Variants in STIMATE observed in about 807,000 individuals in gnomAD.
The protein encoded by STIMATE is store-operated calcium entry regulator STIMATE.
A neutral mutation model predicts 36.7 loss-of-function variants in STIMATE; 15 were observed. The ratio of observed to expected loss-of-function variants is 0.41; its 90% CI spans 0.27 to 0.63. STIMATE has a LOEUF of 0.63. STIMATE is among the 20% of genes least tolerant of loss of function. STIMATE has a pLI of 0.32. For synonymous variants in STIMATE, 163 were observed against 162.3 expected, an observed-to-expected ratio of 1.00 and a Z score of -0.03; for missense variants, 305 against 397.3, an observed-to-expected ratio of 0.77 and a Z score of 1.98.
At chr3:52,846,229 C>T (rs1272844656) in intron 4 of STIMATE, among the ~76,000 whole-genome samples, 1 of 152,224 alleles carries the variant, frequency 6.6e-6, no homozygotes, top group Non-Finnish European at 1.5e-5. Flanking sequence ...TTCCTTTCTA[C>T]TTTCACTTAA....
At chr3:52,843,594 A>G in intron 6 of STIMATE, 127 bp downstream of exon 6, 1 of 1,381,790 alleles carries the variant, frequency 7.2e-7, no homozygotes, top group South Asian at 1.3e-5. Context: ...GGGGTGGGAG[A>G]GGTGGCAAAT....
At chr3:52,852,236 G>T (rs1034409053) in intron 3 of STIMATE, among the ~76,000 whole-genome samples, 3 of 152,244 alleles carry the variant, frequency 2.0e-5, no homozygotes, top group Non-Finnish European at 4.4e-5. Flanking sequence ...CCACAGAGAA[G>T]CCCTGGTGTG....
intron 4 of STIMATE, chr3:52,847,634 A>C: frequency 9.4e-7 from 1 of 1,061,184 alleles, no homozygotes; most frequent in Non-Finnish European, 1.3e-6. Flanking sequence ...CTCTTCCTCA[A>C]ATGGATGGGC....
intron 1 of STIMATE, among the ~76,000 whole-genome samples, chr3:52,858,505 T>C (rs1475318935): frequency 6.6e-6 from 1 of 152,020 alleles, no homozygotes; most frequent in Non-Finnish European, 1.5e-5. Flanking sequence ...ATGGCTGTGG[T>C]CCTAGCTACT....
intron 3 of STIMATE, among the ~76,000 whole-genome samples, chr3:52,852,398 C>T (rs756144632): frequency 2.6e-5 from 4 of 152,198 alleles, no homozygotes; most frequent in Admixed American, 6.5e-5. Flanking sequence ...AGTGTCAACA[C>T]GCAAAGCCCT....
intron 3 of STIMATE, among the ~76,000 whole-genome samples, chr3:52,852,366 C>G (rs1421767984): frequency 6.6e-6 from 1 of 152,196 alleles, no homozygotes; most frequent in Non-Finnish European, 1.5e-5. Flanking sequence ...GATTGATGAA[C>G]AGAAAGCCAG....
intron 1 of STIMATE, among the ~76,000 whole-genome samples, chr3:52,858,029 G>C (rs1050560089): frequency 2.6e-5 from 4 of 152,172 alleles, no homozygotes; most frequent in Admixed American, 6.5e-5. Flanking sequence ...ACACTGAGAA[G>C]AGCGTCATCT....
chr3:52,869,965 A>G (rs1446749700), intron 1 of STIMATE, among the ~76,000 whole-genome samples: 2 of 152,254 alleles, frequency 1.3e-5, no homozygotes, highest in African/African-American at 2.4e-5. Flanking sequence ...TATTACAGCC[A>G]TGCTTTGTAC....
chr3:52,883,399 CTGATTATGA>C (rs778140078), intron 1 of STIMATE, among the ~76,000 whole-genome samples: 22 of 152,288 alleles, frequency 1.4e-4, no homozygotes, highest in South Asian at 6.2e-4. Context: ...TTGCAACAGT[CTGATTATGA>C]TATGGATTAG....
At chr3:52,862,396 T>C (rs1198196551) in intron 1 of STIMATE, among the ~76,000 whole-genome samples, 1 of 152,224 alleles carries the variant, frequency 6.6e-6, no homozygotes, top group African/African-American at 2.4e-5. Context: ...CACTGAGCAC[T>C]TACTCTGTGC....
chr3:52,850,020 G>A, intron 3 of STIMATE, 107 bp from the exon 4 acceptor site: 1 of 1,447,668 alleles, frequency 6.9e-7, no homozygotes, highest in Non-Finnish European at 9.1e-7. Context: ...CATTTGTTTG[G>A]GCCCATTCTG....
intron 1 of STIMATE, among the ~76,000 whole-genome samples, chr3:52,861,198 A>T (rs1644674112): frequency 6.6e-6 from 1 of 152,210 alleles, no homozygotes; most frequent in South Asian, 2.1e-4. Context: ...CCGAACACAG[A>T]GCTGGAAGCC....
chr3:52,848,045 C>A (rs895208983), intron 4 of STIMATE: 2 of 153,438 alleles, frequency 1.3e-5, no homozygotes, highest in African/African-American at 2.4e-5. Flanking sequence ...CCCAGTGAGA[C>A]CCATGACAGA....
chr3:52,878,566 C>T (rs564843330), intron 1 of STIMATE, among the ~76,000 whole-genome samples: 5 of 152,280 alleles, frequency 3.3e-5, no homozygotes, highest in African/African-American at 1.2e-4. Flanking sequence ...TGTGTAGAAA[C>T]CCTACATTCC....
At chr3:52,881,986 CA>C (rs1701613171) in intron 1 of STIMATE, among the ~76,000 whole-genome samples, 2 of 152,214 alleles carry the variant, frequency 1.3e-5, no homozygotes, top group Non-Finnish European at 2.9e-5. Context: ...CAAATTACTA[CA>C]AAACTTAATG....
intron 1 of STIMATE, among the ~76,000 whole-genome samples, chr3:52,893,130 G>A (rs1281176866): frequency 6.6e-6 from 1 of 152,032 alleles, no homozygotes; most frequent in Non-Finnish European, 1.5e-5. Flanking sequence ...CAGACACAAC[G>A]TGTGGACCTT....
In STIMATE at chr3:52,842,777, G is replaced by A. The variant is rs17052546; in HGVS notation, c.768+34C>T. 2,387 of 1,613,264 alleles carry A rather than the reference G, an allele frequency of 1.5e-3. 19 individuals are homozygous for A. In the African/African-American group the frequency reaches 0.022, roughly 15 times the overall value. Reference sequence around the variant, plus strand: ...GACCCCCTTGGGCCAGCGATACGACGGCTTGGGCCCTTGGAGAGTCAGGGA... The same window carrying A: ...GACCCCCTTGGGCCAGCGATACGACAGCTTGGGCCCTTGGAGAGTCAGGGA... On this transcript the variant is annotated intron_variant, in intron 7 of 7. Transcript: ENST00000355083.
chr3:52,884,115 C>T (rs1701654180), intron 1 of STIMATE, among the ~76,000 whole-genome samples: 2 of 152,078 alleles, frequency 1.3e-5, no homozygotes. Flanking sequence ...TCTTCTAAAA[C>T]AATTCTGAGG....
In STIMATE at chr3:52,849,811, G is replaced by T; in HGVS notation, c.408C>A (p.Ser136=). Residue 136 remains serine, a synonymous_variant, in exon 4 of 8, where the codon TCC becomes TCA. Coordinates refer to ENST00000355083, the MANE Select transcript of STIMATE (RefSeq NM_198563.5). ...SVLVEWQQWE[S]LRFGEYGDPL... Reference sequence around the variant, plus strand: ...TATTACCATATTCGCCGAAGCGCAGGGACTCCCACTGCTGCCACTCTACCA... The same window carrying T: ...TATTACCATATTCGCCGAAGCGCAGTGACTCCCACTGCTGCCACTCTACCA... 1 of 1,613,296 alleles carries T rather than the reference G, an allele frequency of 6.2e-7. No homozygotes were observed.
Sources: gnomAD v4.1 joint callset for allele counts (sites outside exome capture counted in the v4.1 genomes callset) on GRCh38, gnomAD v4.1.1 for gene constraint, MANE v1.5 for transcripts, NCBI Gene and HGNC (gene_info 2026-07-23, HGNC 2026-07-21) for gene names.